The following KPNA7 variants were observed in gnomAD, a reference collection of about 807,000 sequenced individuals.
KPNA7 encodes karyopherin subunit alpha 7.
Under a neutral mutation model 53.7 loss-of-function variants are expected in KPNA7, and 54 were observed. The ratio of observed to expected loss-of-function variants is 1.01; its 90% CI spans 0.81 to 1.26. The LOEUF (loss-of-function observed/expected upper bound fraction) is 1.26, where lower values mean the gene tolerates loss of function less well. KPNA7 is among the 50% of genes most tolerant of loss of function. The pLI, the probability that KPNA7 is intolerant of heterozygous loss-of-function variation, is 0.00. For missense variants in KPNA7, 640 were observed against 644.5 expected, an observed-to-expected ratio of 0.99 and a Z score of 0.07; for synonymous variants, 276 against 259.3, an observed-to-expected ratio of 1.06 and a Z score of -0.62.
chr7:99,212,335 C>G (rs1332922343), upstream of KPNA7, among the ~76,000 whole-genome samples: 1 of 146,868 alleles, frequency 6.8e-6, no homozygotes, highest in Non-Finnish European at 1.5e-5. Context: ...ACCTCCACCT[C>G]TCGGTTCAAG....
chr7:99,159,692 G>A, the KPNA7 span, among the ~76,000 whole-genome samples: 3 of 151,988 alleles, frequency 2.0e-5, no homozygotes, highest in African/African-American at 7.3e-5. Flanking sequence ...AATTAACATA[G>A]CCCCAATATG....
At chr7:99,195,979 A>C (rs1790209885) in intron 4 of KPNA7, 105 bp downstream of exon 4, 1 of 842,876 alleles carries the variant, frequency 1.2e-6, no homozygotes, top group African/African-American at 1.7e-5. Flanking sequence ...TTTTACGGGC[A>C]TGTTGCCAAT....
chr7:99,199,815 T>C (rs868194065), intron 3 of KPNA7, among the ~76,000 whole-genome samples: 4 of 152,288 alleles, frequency 2.6e-5, no homozygotes, highest in South Asian at 2.1e-4. Flanking sequence ...GAACAGAATA[T>C]ATTTGCAAGT....
the KPNA7 span, among the ~76,000 whole-genome samples, chr7:99,153,695 G>T: frequency 1.3e-5 from 2 of 151,214 alleles, no homozygotes; most frequent in Non-Finnish European, 3.0e-5. Context: ...CCAGATGGGT[G>T]CAGTGGCTCA....
chr7:99,201,653 ACT>A (rs1286530734), intron 3 of KPNA7, among the ~76,000 whole-genome samples: 7 of 141,300 alleles, frequency 5.0e-5, no homozygotes, highest in African/African-American at 1.0e-4. Context: ...ACAGAGTGAG[ACT>A]CTGTCTCAAA....
At chr7:99,179,751 A>AT (rs34372495) in intron 9 of KPNA7, among the ~76,000 whole-genome samples, 75,650 of 150,708 alleles carry the variant, frequency 0.5, 21,575 homozygotes, top group East Asian at 0.67. Context: ...TGCCTGGCTA[A>AT]TTTTTTTGTA....
intron 3 of KPNA7, among the ~76,000 whole-genome samples, chr7:99,202,833 G>GAGAC (rs1410647964): frequency 6.6e-6 from 1 of 151,982 alleles, no homozygotes; most frequent in Non-Finnish European, 1.5e-5. Flanking sequence ...GTGACAGAGT[G>GAGAC]AGACCTGTCT....
intron 9 of KPNA7, among the ~76,000 whole-genome samples, chr7:99,181,097 G>A (rs796709549): frequency 1.3e-4 from 2 of 14,934 alleles, no homozygotes; most frequent in Middle Eastern, 0.042. Context: ...CTCTCTCTCC[G>A]TCTGTGTCTC....
At chr7:99,208,202 G>A (rs1169916398), upstream of KPNA7, among the ~76,000 whole-genome samples, 1 of 149,266 alleles carries the variant, frequency 6.7e-6, no homozygotes, top group Non-Finnish European at 1.5e-5. Flanking sequence ...TCAGCCTCTT[G>A]AGTAGCTGGG....
chr7:99,163,359 G>GTGTGTGTGTA, the KPNA7 span, among the ~76,000 whole-genome samples: 1 of 66,448 alleles, frequency 1.5e-5, no homozygotes, highest in African/African-American at 5.9e-5. Flanking sequence ...ATGAGTGTGT[G>GTGTGTGTGTA]TATATATATA....
chr7:99,182,453 G>A (rs1349169991), intron 8 of KPNA7, among the ~76,000 whole-genome samples: 3 of 152,102 alleles, frequency 2.0e-5, no homozygotes, highest in African/African-American at 7.2e-5. Flanking sequence ...GTCTCGCTCA[G>A]CCTCCCAAAG....
At chr7:99,206,823 C>G (rs1420385229) in intron 2 of KPNA7, among the ~76,000 whole-genome samples, 1 of 152,118 alleles carries the variant, frequency 6.6e-6, no homozygotes, top group African/African-American at 2.4e-5. Flanking sequence ...TAAATAATTG[C>G]AAGATTCCAC....
chr7:99,156,343 G>A, the KPNA7 span, among the ~76,000 whole-genome samples: 106 of 152,232 alleles, frequency 7.0e-4, 1 homozygote, highest in African/African-American at 2.4e-3. Context: ...GAAATCTGAT[G>A]CCAGTCTGAT....
chr7:99,209,499 C>T (rs1790986287), upstream of KPNA7, among the ~76,000 whole-genome samples: 1 of 151,950 alleles, frequency 6.6e-6, no homozygotes, highest in South Asian at 2.1e-4. Flanking sequence ...GCCAGACCAA[C>T]ATGGCGAAAC....
the KPNA7 span, among the ~76,000 whole-genome samples, chr7:99,158,376 T>G: frequency 1.3e-5 from 2 of 152,252 alleles, no homozygotes; most frequent in East Asian, 3.9e-4. Flanking sequence ...ACTCCTCTAT[T>G]CAGATTTCAG....
the KPNA7 span, among the ~76,000 whole-genome samples, chr7:99,164,732 A>C: frequency 6.6e-6 from 1 of 152,218 alleles, no homozygotes; most frequent in Non-Finnish European, 1.5e-5. Flanking sequence ...AAACATCCAC[A>C]GCAGGGCTTG....
intron 5 of KPNA7, among the ~76,000 whole-genome samples, chr7:99,194,501 G>A (rs1402570900): frequency 2.0e-5 from 3 of 152,184 alleles, no homozygotes; most frequent in East Asian, 3.8e-4. Flanking sequence ...CCCTGAGGCT[G>A]TAGGACCTTA....
At chr7:99,196,631 G>A (rs1047496200) in intron 3 of KPNA7, among the ~76,000 whole-genome samples, 5 of 152,166 alleles carry the variant, frequency 3.3e-5, no homozygotes, top group Non-Finnish European at 5.9e-5. Flanking sequence ...TAGCATGAGA[G>A]CTTTGTGGCA....
chr7:99,146,927 TG>T, the KPNA7 span, among the ~76,000 whole-genome samples: 1 of 152,042 alleles, frequency 6.6e-6, no homozygotes. Context: ...AAATTTGAAG[TG>T]TGGTTTCTAC....
Sources: gnomAD v4.1 joint callset for allele counts (sites outside exome capture counted in the v4.1 genomes callset) on GRCh38, gnomAD v4.1.1 for gene constraint, MANE v1.5 for transcripts, NCBI Gene and HGNC (gene_info 2026-07-23, HGNC 2026-07-21) for gene names.